Variants in OSBPL8 observed in about 807,000 individuals in gnomAD.
OSBPL8 encodes oxysterol-binding protein-related protein 8.
A neutral mutation model predicts 125.5 loss-of-function variants in OSBPL8; 59 were observed. The observed-to-expected ratio is 0.47, with a 90% CI of 0.38 to 0.58. The LOEUF (loss-of-function observed/expected upper bound fraction) is 0.58. OSBPL8 is among the 20% of genes least tolerant of loss of function. The pLI, the probability that OSBPL8 is intolerant of heterozygous loss-of-function variation, is 0.00. For synonymous variants in OSBPL8, 330 were observed against 338.9 expected, an observed-to-expected ratio of 0.97 and a Z score of 0.29; for missense variants, 758 against 1,047.8, an observed-to-expected ratio of 0.72 and a Z score of 3.82.
At chr12:76,473,338 G>A (rs1425158705) in intron 2 of OSBPL8, among the ~76,000 whole-genome samples, 2 of 151,820 alleles carry the variant, frequency 1.3e-5, no homozygotes. Context: ...TTGTGCCCTC[G>A]GTCTCTTGCC....
chr12:76,447,489 G>T (rs774826941), intron 4 of OSBPL8, among the ~76,000 whole-genome samples: 1 of 151,890 alleles, frequency 6.6e-6, no homozygotes, highest in Non-Finnish European at 1.5e-5. Context: ...ATACCGCAAA[G>T]ATGTAATCAA....
At chr12:76,422,484 T>C (rs1365506628) in intron 4 of OSBPL8, 1 of 453,268 alleles carries the variant, frequency 2.2e-6, no homozygotes, top group Admixed American at 2.4e-5. Flanking sequence ...TGCAAGAAAT[T>C]AGGAATGCAA....
intron 5 of OSBPL8, among the ~76,000 whole-genome samples, chr12:76,409,423 A>G (rs1954418412): frequency 6.6e-6 from 1 of 152,178 alleles, no homozygotes; most frequent in East Asian, 1.9e-4. Flanking sequence ...CTCTTCATCA[A>G]ACCAAAGCAT....
At chr12:76,512,996 T>C (rs1034432899) in intron 1 of OSBPL8, among the ~76,000 whole-genome samples, 3 of 152,244 alleles carry the variant, frequency 2.0e-5, no homozygotes, top group African/African-American at 4.8e-5. Context: ...TTTTGGTGTA[T>C]AGGAATGCCA....
At chr12:76,371,849 A>G (rs1952630754) in intron 18 of OSBPL8, 1 of 245,462 alleles carries the variant, frequency 4.1e-6, no homozygotes, top group Non-Finnish European at 7.7e-6. Context: ...TTTACTTAAT[A>G]AATTTCAAAC....
chr12:76,472,599 T>C (rs1345148594), intron 2 of OSBPL8, among the ~76,000 whole-genome samples: 1 of 152,118 alleles, frequency 6.6e-6, no homozygotes, highest in Non-Finnish European at 1.5e-5. Flanking sequence ...TCTCCAATGA[T>C]AGGTAAGGTC....
At chr12:76,387,478 T>G (rs1953363508) in intron 12 of OSBPL8, among the ~76,000 whole-genome samples, 1 of 152,166 alleles carries the variant, frequency 6.6e-6, no homozygotes. Context: ...AAGAAGAAAT[T>G]TGTAGGAGCC....
intron 2 of OSBPL8, among the ~76,000 whole-genome samples, chr12:76,471,298 G>A (rs865870142): frequency 1.3e-5 from 2 of 152,074 alleles, no homozygotes; most frequent in African/African-American, 4.8e-5. Context: ...GTCCAAAACC[G>A]ACTTCATCTT....
chr12:76,352,568 G>T lies in OSBPL8; in HGVS notation c.*3321C>A, dbSNP rs1951861143. The stretch of plus-strand genomic sequence containing the variant: ...AATGTAAACTTACTGATTTCTGTGG[G>T]ATTTTCCCCACTGGTTCAAATTGGA... On this transcript the variant is annotated 3_prime_UTR_variant, in exon 24 of 24. Coordinates refer to ENST00000261183, the MANE Select transcript of OSBPL8 (RefSeq NM_020841.5). 1 of 152,422 alleles carries T rather than the reference G, an allele frequency of 6.6e-6. No individual in the cohort carries two copies. The highest frequency in any genetic ancestry group is 2.4e-5 in the African/African-American group (1 of 41,400). The allele number at this position is 152,422 out of a possible 1,614,324, so 9.4% of individuals were successfully genotyped here.
intron 1 of OSBPL8, among the ~76,000 whole-genome samples, chr12:76,541,148 A>T (rs1349463737): frequency 6.6e-6 from 1 of 152,164 alleles, no homozygotes; most frequent in African/African-American, 2.4e-5. Flanking sequence ...TAGCAATAGA[A>T]AGTATTTGTA....
chr12:76,402,536 A>G (rs1168132959), intron 6 of OSBPL8, among the ~76,000 whole-genome samples, 153 bp downstream of exon 6: 2 of 151,368 alleles, frequency 1.3e-5, no homozygotes, highest in Non-Finnish European at 3.0e-5. Context: ...CCATACAAAT[A>G]TTAACATTTT....
intron 1 of OSBPL8, among the ~76,000 whole-genome samples, chr12:76,547,103 C>T (rs942133160): frequency 4.6e-5 from 7 of 152,120 alleles, no homozygotes; most frequent in East Asian, 3.9e-4. Context: ...AGGAGAATTA[C>T]GACTCCAATT....
chr12:76,542,159 G>A (rs1034258067), intron 1 of OSBPL8, among the ~76,000 whole-genome samples: 4 of 152,116 alleles, frequency 2.6e-5, no homozygotes, highest in South Asian at 4.1e-4. Context: ...AAACAAGAGC[G>A]AAACTCCATC....
At chr12:76,444,316 A>T (rs180816069) in intron 4 of OSBPL8, among the ~76,000 whole-genome samples, 164 of 152,330 alleles carry the variant, frequency 1.1e-3, no homozygotes, top group Non-Finnish European at 2.0e-3. Flanking sequence ...AAACATACCT[A>T]TTATAATAAC....
chr12:76,548,195 G>A (rs188362228), intron 1 of OSBPL8, among the ~76,000 whole-genome samples: 4 of 152,160 alleles, frequency 2.6e-5, no homozygotes, highest in Non-Finnish European at 4.4e-5. Flanking sequence ...AATCGTAACA[G>A]TAAAGAAATT....
intron 1 of OSBPL8, among the ~76,000 whole-genome samples, chr12:76,515,951 T>A (rs1402081712): frequency 6.6e-6 from 1 of 152,128 alleles, no homozygotes; most frequent in Admixed American, 6.6e-5. Context: ...AAATAACCTA[T>A]GGATTGAAGA....
chr12:76,389,618 T>C, intron 12 of OSBPL8, 27 bp downstream of exon 12: 1 of 1,454,608 alleles, frequency 6.9e-7, no homozygotes. Flanking sequence ...AAGTATTGTC[T>C]ATTTTAAGAA....
intron 1 of OSBPL8, among the ~76,000 whole-genome samples, chr12:76,519,845 T>C (rs1185082554): frequency 6.6e-6 from 1 of 152,176 alleles, no homozygotes; most frequent in Admixed American, 6.5e-5. Context: ...ACCAAGGAGA[T>C]GGCGCTAAAC....
intron 21 of OSBPL8, among the ~76,000 whole-genome samples, chr12:76,359,548 T>C (rs185908676): frequency 1.6e-4 from 24 of 152,310 alleles, no homozygotes; most frequent in Admixed American, 1.4e-3. Flanking sequence ...GAGAAGAAAC[T>C]AGAATCAGAA....
Sources: gnomAD v4.1 joint callset for allele counts (sites outside exome capture counted in the v4.1 genomes callset) on GRCh38, gnomAD v4.1.1 for gene constraint, MANE v1.5 for transcripts, NCBI Gene and HGNC (gene_info 2026-07-23, HGNC 2026-07-21) for gene names.